Variants in DPP10 observed in about 807,000 individuals in gnomAD.
The protein encoded by DPP10 is inactive dipeptidyl peptidase 10.
Under a neutral mutation model 120.9 loss-of-function variants are expected in DPP10, and 33 were observed. The observed-to-expected ratio is 0.27, with a 90% CI of 0.21 to 0.37. The LOEUF is 0.37. Among genes scored for constraint, DPP10 ranks in the 10% least tolerant of loss-of-function variants. The pLI is 1.00. For synonymous variants in DPP10, 337 were observed against 326.1 expected, an observed-to-expected ratio of 1.03 and a Z score of -0.36; for missense variants, 816 against 942.8, an observed-to-expected ratio of 0.87 and a Z score of 1.76.
intron 1 of DPP10, among the ~76,000 whole-genome samples, chr2:115,010,548 G>GTA (rs908421823): frequency 6.9e-4 from 105 of 151,762 alleles, no homozygotes; most frequent in African/African-American, 2.2e-3. Flanking sequence ...ATATGTATGT[G>GTA]TATATATATA....
At chr2:114,499,638 T>G (rs1298475155) in intron 1 of DPP10, among the ~76,000 whole-genome samples, 1 of 151,920 alleles carries the variant, frequency 6.6e-6, no homozygotes, top group Non-Finnish European at 1.5e-5. Flanking sequence ...GCTAAGATGA[T>G]AGGACCCACA....
At chr2:115,741,943 A>G (rs566260290) in intron 9 of DPP10, among the ~76,000 whole-genome samples, 18 of 152,164 alleles carry the variant, frequency 1.2e-4, no homozygotes, top group Non-Finnish European at 1.9e-4. Flanking sequence ...CTGGATATGA[A>G]CCTAGATACT....
At chr2:114,859,351 A>G (rs1689627552) in intron 1 of DPP10, among the ~76,000 whole-genome samples, 1 of 136,016 alleles carries the variant, frequency 7.4e-6, no homozygotes, top group Non-Finnish European at 1.6e-5. Flanking sequence ...CTGGGCAACA[A>G]GAGTGAAACT....
chr2:115,557,931 A>G (rs189393630), intron 5 of DPP10, among the ~76,000 whole-genome samples: 29 of 152,340 alleles, frequency 1.9e-4, no homozygotes, highest in Non-Finnish European at 3.4e-4. Context: ...GATAATCAAC[A>G]TTATCTGGTA....
rs567167607 is a variant in DPP10 at position 115,353,633 on chromosome 2, G to A, written c.271+9721G>A. ...GTGTTCAGTAAGTCAAAATTTGCAT[G>A]TATGTTTCTACTTTTCTAGGACACT... On this transcript the variant is annotated intron_variant, in intron 3 of 25. Transcript: ENST00000410059. 6.6e-5 allele frequency among the ~76,000 whole-genome samples: 10 copies of A among 152,206 alleles called. No homozygotes were observed. In the South Asian group the frequency reaches 1.9e-3, roughly 28 times the overall value.
At chr2:115,605,535 G>T (rs973466237) in intron 5 of DPP10, among the ~76,000 whole-genome samples, 6 of 152,128 alleles carry the variant, frequency 3.9e-5, no homozygotes, top group Non-Finnish European at 8.8e-5. Flanking sequence ...CTCGGCATTT[G>T]ATCTTAATTT....
intron 1 of DPP10, among the ~76,000 whole-genome samples, chr2:114,817,526 G>A (rs1685739759): frequency 6.6e-6 from 1 of 152,184 alleles, no homozygotes; most frequent in Admixed American, 6.5e-5. Context: ...GCCTGAAGGA[G>A]GGGCCAGCCA....
chr2:114,623,366 A>G (rs546983595), intron 1 of DPP10, among the ~76,000 whole-genome samples: 3 of 152,268 alleles, frequency 2.0e-5, no homozygotes, highest in South Asian at 2.1e-4. Context: ...AAGATGATAC[A>G]ACTGCCAGCA....
intron 1 of DPP10, among the ~76,000 whole-genome samples, chr2:115,266,160 A>G (rs987211867): frequency 2.0e-5 from 3 of 152,198 alleles, no homozygotes; most frequent in Non-Finnish European, 4.4e-5. Context: ...GGGATTAAGT[A>G]TAGGAGTTCA....
chr2:115,062,172 G>A (rs1300847030), intron 1 of DPP10, among the ~76,000 whole-genome samples: 1 of 149,306 alleles, frequency 6.7e-6, no homozygotes, highest in East Asian at 2.0e-4. Flanking sequence ...GTGTGTGTAT[G>A]TGTGTGCATG....
intron 1 of DPP10, among the ~76,000 whole-genome samples, chr2:114,585,262 A>G (rs1352322086): frequency 1.3e-5 from 2 of 152,156 alleles, no homozygotes; most frequent in African/African-American, 4.8e-5. Context: ...TGAGGTTGCC[A>G]GTTCCTTACT....
chr2:114,857,107 C>T (rs904382551), intron 1 of DPP10, among the ~76,000 whole-genome samples: 3 of 152,276 alleles, frequency 2.0e-5, no homozygotes, highest in East Asian at 1.9e-4. Flanking sequence ...AATTCTAACA[C>T]GGGTTTACCT....
At chr2:115,240,764 C>T (rs941387749) in intron 1 of DPP10, among the ~76,000 whole-genome samples, 1 of 152,172 alleles carries the variant, frequency 6.6e-6, no homozygotes, top group Non-Finnish European at 1.5e-5. Flanking sequence ...TAAGTACCCA[C>T]TCCTTATACA....
At chr2:114,519,393 A>C (rs184475220) in intron 1 of DPP10, among the ~76,000 whole-genome samples, 1 of 152,360 alleles carries the variant, frequency 6.6e-6, no homozygotes, top group Admixed American at 6.5e-5. Context: ...TTGGGAGCAA[A>C]CTGACCCTGA....
chr2:114,862,358 T>C (rs1331570293), intron 1 of DPP10, among the ~76,000 whole-genome samples: 2 of 152,148 alleles, frequency 1.3e-5, no homozygotes, highest in African/African-American at 4.8e-5. Flanking sequence ...GATTCTGAAA[T>C]TGCATTTTGC....
chr2:114,942,320 T>TATATATATATATAC (rs869121143), intron 1 of DPP10, among the ~76,000 whole-genome samples: 3 of 123,974 alleles, frequency 2.4e-5, no homozygotes, highest in African/African-American at 9.3e-5. Flanking sequence ...TATATATATA[T>TATATATATATATAC]ACACACACAT....
chr2:115,305,113 A>G (rs1427693547), intron 1 of DPP10, among the ~76,000 whole-genome samples: 1 of 152,016 alleles, frequency 6.6e-6, no homozygotes, highest in Non-Finnish European at 1.5e-5. Context: ...AGCACCATCT[A>G]TGGATCATTT....
At chr2:115,682,948 A>G (rs1037230195) in intron 5 of DPP10, among the ~76,000 whole-genome samples, 2 of 151,894 alleles carry the variant, frequency 1.3e-5, no homozygotes, top group Non-Finnish European at 2.9e-5. Context: ...AATAAACCAA[A>G]GAAAAGTATA....
chr2:115,418,685 T>C (rs2069655451), intron 3 of DPP10, among the ~76,000 whole-genome samples: 1 of 151,836 alleles, frequency 6.6e-6, no homozygotes, highest in African/African-American at 2.4e-5. Context: ...GGAAGGAGGA[T>C]CACTTGAGCC....
Sources: gnomAD v4.1 joint callset for allele counts (sites outside exome capture counted in the v4.1 genomes callset) on GRCh38, gnomAD v4.1.1 for gene constraint, MANE v1.5 for transcripts, NCBI Gene and HGNC (gene_info 2026-07-23, HGNC 2026-07-21) for gene names.